CSMD3: variants seen among roughly 807,000 people sequenced by gnomAD.
CSMD3 encodes the protein CUB and sushi domain-containing protein 3.
A neutral mutation model predicts 435.2 loss-of-function variants in CSMD3; 177 were observed. That is an observed-to-expected ratio of 0.41 (90% confidence interval 0.36 to 0.46). The LOEUF (loss-of-function observed/expected upper bound fraction) is 0.46, where lower values mean the gene tolerates loss of function less well. Among genes scored for constraint, CSMD3 ranks in the 20% least tolerant of loss-of-function variants. The pLI is 0.34. For synonymous variants in CSMD3, 1,656 were observed against 1,520.5 expected (o/e 1.09, Z -2.07); for missense variants, 4,265 against 4,504.6 (o/e 0.95, Z 1.52).
At chr8:113,022,977 G>A (rs142804635) in intron 5 of CSMD3, among the ~76,000 whole-genome samples, 9 of 151,976 alleles carry the variant, frequency 5.9e-5, no homozygotes, top group Non-Finnish European at 1.0e-4. Context: ...TAATCCTTTA[G>A]AGAATGTAAT....
intron 5 of CSMD3, among the ~76,000 whole-genome samples, chr8:113,081,388 A>C (rs2131454788): frequency 6.6e-6 from 1 of 152,204 alleles, no homozygotes; most frequent in East Asian, 1.9e-4. Flanking sequence ...CAGAATCATC[A>C]AATGGTTTTC....
intron 22 of CSMD3, among the ~76,000 whole-genome samples, chr8:112,622,158 G>A (rs1030806770): frequency 6.6e-6 from 1 of 152,132 alleles, no homozygotes; most frequent in Non-Finnish European, 1.5e-5. Context: ...GGGAATACCC[G>A]TTTCTGCATA....
chr8:112,814,810 A>T (rs1313865727), intron 12 of CSMD3, among the ~76,000 whole-genome samples: 2 of 151,712 alleles, frequency 1.3e-5, no homozygotes, highest in African/African-American at 2.4e-5. Context: ...TTTTTTCATT[A>T]TACCAAGGGA....
At chr8:113,141,774 T>C (rs1260377965) in intron 4 of CSMD3, among the ~76,000 whole-genome samples, 2 of 150,870 alleles carry the variant, frequency 1.3e-5, no homozygotes, top group Non-Finnish European at 1.5e-5. Flanking sequence ...AAGGCAAAAA[T>C]GCCCACCCTC....
At chr8:113,320,737 C>T (rs79198665) in intron 1 of CSMD3, among the ~76,000 whole-genome samples, 48 of 152,174 alleles carry the variant, frequency 3.2e-4, no homozygotes, top group African/African-American at 1.1e-3. Flanking sequence ...CTTTTCTAAT[C>T]TCATGAACTT....
chr8:113,270,163 A>G (rs533087026), intron 3 of CSMD3, among the ~76,000 whole-genome samples: 3 of 152,342 alleles, frequency 2.0e-5, no homozygotes, highest in East Asian at 3.9e-4. Context: ...ATGAACAGAC[A>G]CTTCTCAAAA....
intron 5 of CSMD3, among the ~76,000 whole-genome samples, chr8:113,046,908 A>G (rs1244377951): frequency 6.6e-6 from 1 of 152,208 alleles, no homozygotes; most frequent in Non-Finnish European, 1.5e-5. Flanking sequence ...GATGCTAAGC[A>G]GGTCCTGGGA....
intron 1 of CSMD3, among the ~76,000 whole-genome samples, chr8:113,428,474 A>T (rs777514130): frequency 2.6e-5 from 4 of 151,734 alleles, no homozygotes; most frequent in Non-Finnish European, 5.9e-5. Flanking sequence ...AAATCATTGA[A>T]CTCTGGACTC....
chr8:112,504,923 A>G (rs1822346769), intron 29 of CSMD3, among the ~76,000 whole-genome samples: 1 of 152,190 alleles, frequency 6.6e-6, no homozygotes, highest in African/African-American at 2.4e-5. Context: ...AAAACTTGCC[A>G]TTGTTAAACA....
chr8:112,505,644 T>C (rs1822420849), intron 29 of CSMD3, among the ~76,000 whole-genome samples: 1 of 152,116 alleles, frequency 6.6e-6, no homozygotes, highest in Admixed American at 6.5e-5. Flanking sequence ...AACAAAAATA[T>C]TCCTTCTAAG....
intron 6 of CSMD3, among the ~76,000 whole-genome samples, chr8:112,978,170 G>T (rs1247739164): frequency 1.3e-5 from 2 of 151,910 alleles, no homozygotes; most frequent in Non-Finnish European, 2.9e-5. Flanking sequence ...TTTAATAAAA[G>T]AAACTATTAA....
At chr8:113,047,769 A>T (rs1396385295) in intron 5 of CSMD3, among the ~76,000 whole-genome samples, 1 of 152,202 alleles carries the variant, frequency 6.6e-6, no homozygotes, top group Non-Finnish European at 1.5e-5. Context: ...TAATGGAACA[A>T]ATTATTACTA....
chr8:112,733,929 C>T (rs1286134161), intron 13 of CSMD3, among the ~76,000 whole-genome samples: 3 of 151,912 alleles, frequency 2.0e-5, no homozygotes, highest in African/African-American at 7.2e-5. Context: ...CTCCAGAGTG[C>T]TATGGACATG....
At chr8:113,031,796 C>T (rs1397773555) in intron 5 of CSMD3, among the ~76,000 whole-genome samples, 1 of 151,402 alleles carries the variant, frequency 6.6e-6, no homozygotes, top group Non-Finnish European at 1.5e-5. Flanking sequence ...TATGGTTTGG[C>T]TTTGTGTCCC....
chr8:112,485,233 T>C (rs180975422), intron 31 of CSMD3, among the ~76,000 whole-genome samples: 131 of 152,184 alleles, frequency 8.6e-4, no homozygotes, highest in African/African-American at 3.0e-3. Context: ...CAATGCAAAA[T>C]ACATTAAAAT....
chr8:113,116,683 G>T, intron 4 of CSMD3, among the ~76,000 whole-genome samples: 1 of 152,172 alleles, frequency 6.6e-6, no homozygotes, highest in East Asian at 1.9e-4. Context: ...ACTTCTTAGA[G>T]ACTTAGAGAG....
chr8:113,117,006 T>G (rs2090850871), intron 4 of CSMD3, among the ~76,000 whole-genome samples: 1 of 152,180 alleles, frequency 6.6e-6, no homozygotes, highest in Non-Finnish European at 1.5e-5. Context: ...TTGGAAAATT[T>G]GCAACCTGAT....
At chr8:113,101,771 G>A (rs889606845) in intron 4 of CSMD3, among the ~76,000 whole-genome samples, 1 of 152,026 alleles carries the variant, frequency 6.6e-6, no homozygotes, top group African/African-American at 2.4e-5. Context: ...CAACACTTCT[G>A]TTTAATTTGT....
In CSMD3 at chr8:112,333,780, C is replaced by G. The variant is rs547801264; in HGVS notation, c.7165+1549G>C. ...AATTTTATACTTCCTATAGGGTTAT[C>G]TTGTGGATATTTATAGTTCATCAAT... On this transcript the variant is annotated intron_variant, in intron 45 of 70. Transcript: ENST00000297405. 6.0e-4 allele frequency among the ~76,000 whole-genome samples: 91 copies of G among 151,790 alleles called. 1 individual carries two copies. The highest frequency in any genetic ancestry group is 6.9e-3 in the Middle Eastern group (2 of 290).
Sources: gnomAD v4.1 joint callset for allele counts (sites outside exome capture counted in the v4.1 genomes callset) on GRCh38, gnomAD v4.1.1 for gene constraint, MANE v1.5 for transcripts, NCBI Gene and HGNC (gene_info 2026-07-23, HGNC 2026-07-21) for gene names.